IGF2BP3: variants seen among roughly 807,000 people sequenced by gnomAD.
The protein encoded by IGF2BP3 is insulin-like growth factor 2 mRNA-binding protein 3.
A neutral mutation model predicts 73.8 loss-of-function variants in IGF2BP3; 9 were observed. The observed-to-expected ratio is 0.12, with a 90% CI of 0.07 to 0.21. IGF2BP3 has a LOEUF of 0.21. IGF2BP3 is among the 10% of genes least tolerant of loss of function. The pLI is 1.00. For synonymous variants in IGF2BP3, 258 were observed against 256.7 expected (o/e 1.01, Z -0.05); for missense variants, 542 against 714.0 (o/e 0.76, Z 2.75).
At chr7:23,347,297 TG>T (rs1339769421) in intron 7 of IGF2BP3, among the ~76,000 whole-genome samples, 1 of 152,204 alleles carries the variant, frequency 6.6e-6, no homozygotes, top group Non-Finnish European at 1.5e-5. Context: ...AGTCAAGATT[TG>T]GGGCTCCTGT....
At chr7:23,351,905 C>T (rs1326428477) in intron 5 of IGF2BP3, among the ~76,000 whole-genome samples, 1 of 152,156 alleles carries the variant, frequency 6.6e-6, no homozygotes, top group Admixed American at 6.5e-5. Context: ...TTAAGTTTAA[C>T]CCATAAGGTT....
chr7:23,361,441 CCTA>C, intron 5 of IGF2BP3, 90 bp downstream of exon 5: 2 of 969,190 alleles, frequency 2.1e-6, no homozygotes, highest in East Asian at 4.9e-5. Flanking sequence ...CTCTCTGCCA[CCTA>C]CCAGCCCTTC....
intron 10 of IGF2BP3, among the ~76,000 whole-genome samples, chr7:23,329,477 AG>A (rs1221643420): frequency 6.6e-6 from 1 of 152,224 alleles, no homozygotes; most frequent in African/African-American, 2.4e-5. Flanking sequence ...TCTTAGAAGT[AG>A]AACTGCTGAG....
At position 23,312,803 on chromosome 7, in the gene IGF2BP3, G is replaced by T; in HGVS notation, c.1573C>A (p.Arg525Ser). Residue 525 changes from arginine (R) to serine (S), a missense_variant, in exon 14 of 15, where the codon CGT becomes AGT. Arg to Ser is a moderately radical substitution (Grantham distance 110). Transcript: ENST00000258729. ...NLSSAEVVVP[R>S]DQTPDENDQV... Reference sequence around the variant, plus strand: ...TCATTCTCATCAGGTGTCTGGTCACGAGGGACAACAACTTCTGCACTTGAC... The same window carrying T: ...TCATTCTCATCAGGTGTCTGGTCACTAGGGACAACAACTTCTGCACTTGAC... 6.2e-7 allele frequency: 1 copy of T among 1,612,932 alleles called. No homozygotes were observed. Among genetic ancestry groups the T allele is most frequent in the Non-Finnish European group, 8.5e-7 (1 of 1,179,692 alleles).
At chr7:23,376,111 C>G (rs1379376254) in intron 3 of IGF2BP3, among the ~76,000 whole-genome samples, 1 of 152,180 alleles carries the variant, frequency 6.6e-6, no homozygotes, top group Non-Finnish European at 1.5e-5. Flanking sequence ...TGGGAAAACA[C>G]AGCAGCTCCA....
At chr7:23,370,437 G>A (rs1023100236) in intron 3 of IGF2BP3, among the ~76,000 whole-genome samples, 2 of 152,126 alleles carry the variant, frequency 1.3e-5, no homozygotes, top group African/African-American at 4.8e-5. Flanking sequence ...GAACAACAAT[G>A]TCGGGCATTA....
Position 23,329,343 on chromosome 7 carries a change from T to G in IGF2BP3, c.1204-10089A>C, listed in dbSNP as rs143100581. ...ATTTTGACAAGAGTATTCCCTCAAA[T>G]AGATATACCACAGTTGATTTACCTC... On this transcript the variant is annotated intron_variant, in intron 10 of 14. Transcript: ENST00000258729. Among the ~76,000 whole-genome samples, 13 of 152,348 alleles carry G rather than the reference T, an allele frequency of 8.5e-5. No homozygotes were observed. The East Asian group carries it at 2.3e-3, about 27-fold the overall frequency.
intron 10 of IGF2BP3, among the ~76,000 whole-genome samples, chr7:23,332,934 CA>C (rs999484631): frequency 2.0e-5 from 3 of 152,160 alleles, no homozygotes; most frequent in Admixed American, 2.0e-4. Flanking sequence ...TTCTTCTGAA[CA>C]ATATACTTGG....
At chr7:23,367,061 C>G (rs1785396828) in intron 3 of IGF2BP3, among the ~76,000 whole-genome samples, 1 of 150,848 alleles carries the variant, frequency 6.6e-6, no homozygotes, top group Non-Finnish European at 1.5e-5. Flanking sequence ...TCACTGCAAC[C>G]TCCGCCTCCC....
chr7:23,374,019 G>A (rs1280812188), intron 3 of IGF2BP3, among the ~76,000 whole-genome samples: 1 of 152,226 alleles, frequency 6.6e-6, no homozygotes, highest in African/African-American at 2.4e-5. Context: ...CTGGAGCCAT[G>A]CTGGTATAGC....
chr7:23,328,272 A>G (rs1351701488), intron 10 of IGF2BP3, among the ~76,000 whole-genome samples: 2 of 152,032 alleles, frequency 1.3e-5, no homozygotes, highest in Non-Finnish European at 2.9e-5. Context: ...GTAGTGGCAC[A>G]ATCTTGGCTC....
At chr7:23,454,255 C>T (rs575984549) in intron 2 of IGF2BP3, among the ~76,000 whole-genome samples, 3 of 152,204 alleles carry the variant, frequency 2.0e-5, no homozygotes, top group African/African-American at 7.2e-5. Flanking sequence ...ATTTCCTTTA[C>T]GTATGATCTC....
chr7:23,386,206 T>C (rs1786077093), intron 3 of IGF2BP3, among the ~76,000 whole-genome samples: 1 of 152,184 alleles, frequency 6.6e-6, no homozygotes, highest in Non-Finnish European at 1.5e-5. Context: ...GTTTTTAAGA[T>C]GTGAAATATT....
chr7:23,373,950 C>T (rs189727977), intron 3 of IGF2BP3, among the ~76,000 whole-genome samples: 293 of 152,308 alleles, frequency 1.9e-3, no homozygotes, highest in Non-Finnish European at 3.0e-3. Flanking sequence ...ATGCCCACTC[C>T]CCTCTACCTT....
At chr7:23,343,950 G>T (rs1452996616) in intron 8 of IGF2BP3, 97 bp from the exon 9 acceptor site, 1 of 1,221,424 alleles carries the variant, frequency 8.2e-7, no homozygotes, top group Non-Finnish European at 1.2e-6. Flanking sequence ...AAACTGTGGA[G>T]CCTGGTAATA....
chr7:23,396,299 T>C (rs1786461612), intron 3 of IGF2BP3: 1 of 152,274 alleles, frequency 6.6e-6, no homozygotes, highest in African/African-American at 2.4e-5. Context: ...CCCCAGCACT[T>C]TGGGAGGCAA....
At position 23,327,862 on chromosome 7, in the gene IGF2BP3, A is replaced by G. The variant is rs183375111; in HGVS notation, c.1204-8608T>C. On this transcript the variant is annotated intron_variant, in intron 10 of 14. Transcript: ENST00000258729. ...CCAGAGCAGAGGCAAAGAGCAGAGC[A>G]CTAAGCACCATAAATCCATGGAGAG... 4.5e-3 allele frequency among the ~76,000 whole-genome samples: 687 copies of G among 152,274 alleles called. 8 individuals carry two copies. The highest frequency in any genetic ancestry group is 0.015 in the African/African-American group (639 of 41,558).
chr7:23,321,318 A>C (rs546050428), intron 10 of IGF2BP3, among the ~76,000 whole-genome samples: 16 of 152,218 alleles, frequency 1.1e-4, no homozygotes, highest in Admixed American at 3.9e-4. Flanking sequence ...GACAGACGGC[A>C]CCTGGAAAAT....
intron 2 of IGF2BP3, among the ~76,000 whole-genome samples, chr7:23,448,807 T>A (rs1363072370): frequency 2.0e-5 from 3 of 152,242 alleles, no homozygotes; most frequent in Non-Finnish European, 4.4e-5. Context: ...TTTTTTTGTA[T>A]TTTTAGTAGA....
Sources: allele counts gnomAD v4.1 joint callset (sites outside exome capture counted in the v4.1 genomes callset), GRCh38; gene constraint gnomAD v4.1.1; transcripts MANE v1.5; gene names NCBI Gene and HGNC (gene_info 2026-07-23, HGNC 2026-07-21).